Variants in LOC128092252 observed in about 807,000 individuals in gnomAD.
At chr15:50,672,838 A>T in the LOC128092252 span, among the ~76,000 whole-genome samples, 1 of 145,182 alleles carries the variant, frequency 6.9e-6, no homozygotes, top group Non-Finnish European at 1.5e-5. Context: ...TGAACCAGGG[A>T]AGCAGAGGTT....
the LOC128092252 span, among the ~76,000 whole-genome samples, chr15:50,664,221 C>T: frequency 6.7e-6 from 1 of 148,278 alleles, no homozygotes; most frequent in East Asian, 2.0e-4. Flanking sequence ...TCGCTTGAAC[C>T]AGGGAGTGAA....
the LOC128092252 span, among the ~76,000 whole-genome samples, chr15:50,670,989 G>T: frequency 1.3e-5 from 2 of 151,914 alleles, no homozygotes; most frequent in Non-Finnish European, 2.9e-5. Context: ...GATAAAAGGG[G>T]GCTACTATAC....
At chr15:50,667,948 C>T in the LOC128092252 span, among the ~76,000 whole-genome samples, 1 of 152,196 alleles carries the variant, frequency 6.6e-6, no homozygotes, top group African/African-American at 2.4e-5. Flanking sequence ...ATGAAAAGCT[C>T]CTATAATTCT....
chr15:50,684,169 C>G, the LOC128092252 span, among the ~76,000 whole-genome samples: 1 of 141,424 alleles, frequency 7.1e-6, no homozygotes, highest in African/African-American at 2.6e-5. Context: ...TTTTTTTTTT[C>G]TGAGACAGAG....
the LOC128092252 span, chr15:50,663,067 G>A: frequency 6.3e-7 from 1 of 1,576,852 alleles, no homozygotes. Context: ...ATGTTTTAAA[G>A]AATTGTTTAT....
At chr15:50,651,636 A>G in the LOC128092252 span, among the ~76,000 whole-genome samples, 55 of 147,650 alleles carry the variant, frequency 3.7e-4, no homozygotes, top group Middle Eastern at 0.014. Flanking sequence ...TCTCTAAACG[A>G]AAAAATTAAA....
the LOC128092252 span, among the ~76,000 whole-genome samples, chr15:50,670,326 C>T: frequency 6.6e-6 from 1 of 151,882 alleles, no homozygotes; most frequent in Non-Finnish European, 1.5e-5. Flanking sequence ...TGCTGGGCTG[C>T]ATTCCCAGTA....
the LOC128092252 span, among the ~76,000 whole-genome samples, chr15:50,669,845 T>A: frequency 1.3e-5 from 2 of 152,278 alleles, no homozygotes; most frequent in Admixed American, 1.3e-4. Flanking sequence ...GGGCACATAA[T>A]ACAATCAGCG....
At chr15:50,679,466 T>C in the LOC128092252 span, among the ~76,000 whole-genome samples, 3 of 139,988 alleles carry the variant, frequency 2.1e-5, no homozygotes, top group East Asian at 2.0e-4. Flanking sequence ...CTACAGGTTT[T>C]ATTTCATTTA....
the LOC128092252 span, chr15:50,663,184 A>G: frequency 3.1e-6 from 2 of 644,490 alleles, no homozygotes; most frequent in Non-Finnish European, 5.2e-6. Flanking sequence ...ACTGGAGAGC[A>G]ATGGTGTGAT....
the LOC128092252 span, among the ~76,000 whole-genome samples, chr15:50,674,368 G>A: frequency 6.6e-6 from 1 of 152,124 alleles, no homozygotes; most frequent in African/African-American, 2.4e-5. Context: ...CTGATCTCAG[G>A]TGATCCACCC....
chr15:50,676,935 C>T, the LOC128092252 span, among the ~76,000 whole-genome samples: 1 of 152,150 alleles, frequency 6.6e-6, no homozygotes, highest in Admixed American at 6.6e-5. Context: ...CTCCAGGCAG[C>T]CCAGCTAAAT....
the LOC128092252 span, among the ~76,000 whole-genome samples, chr15:50,672,247 T>C: frequency 5.3e-5 from 8 of 152,026 alleles, no homozygotes; most frequent in African/African-American, 1.9e-4. Context: ...TAGAGACATT[T>C]TCACCATGTT....
the LOC128092252 span, among the ~76,000 whole-genome samples, chr15:50,678,516 AAATATAT>A: frequency 5.2e-4 from 52 of 99,324 alleles, no homozygotes; most frequent in Middle Eastern, 5.9e-3. Flanking sequence ...TAAAAAAAAA[AAATATAT>A]ATATATATAT....
the LOC128092252 span, among the ~76,000 whole-genome samples, chr15:50,660,085 T>C: frequency 3.9e-5 from 6 of 152,234 alleles, no homozygotes; most frequent in African/African-American, 1.4e-4. Flanking sequence ...TCTTTATGAA[T>C]AGCCATGTGA....
At chr15:50,661,560 TTAAAA>T in the LOC128092252 span, among the ~76,000 whole-genome samples, 2,549 of 152,300 alleles carry the variant, frequency 0.017, 80 homozygotes, top group African/African-American at 0.059. Context: ...TTTTAAAATG[TTAAAA>T]TAAAGAGAAA....
the LOC128092252 span, chr15:50,662,876 A>G: frequency 5.6e-6 from 5 of 897,304 alleles, no homozygotes. Flanking sequence ...CAAATAATTT[A>G]TTTAGTGGTT....
the LOC128092252 span, among the ~76,000 whole-genome samples, chr15:50,671,067 GACCACTT>G: frequency 1.3e-5 from 2 of 152,038 alleles, no homozygotes; most frequent in Non-Finnish European, 2.9e-5. Context: ...TTTGTGGTGA[GACCACTT>G]AAAATATACT....
At chr15:50,672,751 A>T in the LOC128092252 span, among the ~76,000 whole-genome samples, 180 of 151,894 alleles carry the variant, frequency 1.2e-3, no homozygotes, top group Non-Finnish European at 2.3e-3. Flanking sequence ...CACTACTAAA[A>T]ATATAAAAAT....
Sources: allele counts gnomAD v4.1 joint callset (sites outside exome capture counted in the v4.1 genomes callset), GRCh38; gene constraint gnomAD v4.1.1; transcripts MANE v1.5.